GFOD1: variants seen among roughly 807,000 people sequenced by gnomAD.
GFOD1 encodes the protein glucose-fructose oxidoreductase domain-containing protein 1.
GFOD1 carries 9 observed loss-of-function variants against 25.4 expected under a neutral mutation model. That is an observed-to-expected ratio of 0.35 (90% CI 0.21 to 0.62). The LOEUF (loss-of-function observed/expected upper bound fraction) is 0.62. Ranked by LOEUF, GFOD1 falls within the 20% of genes least tolerant of loss-of-function variation. The probability of loss-of-function intolerance (pLI) is 0.72; values close to 1 mark genes in which losing one functional copy is unlikely to be tolerated. For synonymous variants in GFOD1, 253 were observed against 245.6 expected (o/e 1.03, Z -0.28); for missense variants, 403 against 556.9 (o/e 0.72, Z 2.78).
chr6:13,419,540 C>G (rs1336962830), intron 1 of GFOD1, among the ~76,000 whole-genome samples: 2 of 152,162 alleles, frequency 1.3e-5, no homozygotes, highest in Non-Finnish European at 2.9e-5. Context: ...TAAAACAGGG[C>G]ATTGGATCCT....
chr6:13,426,043 G>A (rs867649386), intron 1 of GFOD1, among the ~76,000 whole-genome samples: 3 of 152,372 alleles, frequency 2.0e-5, no homozygotes, highest in South Asian at 4.1e-4. Context: ...GCAGGCTCAC[G>A]CCAGGCAGTG....
intron 1 of GFOD1, among the ~76,000 whole-genome samples, chr6:13,450,739 G>A (rs144961389): frequency 1.3e-5 from 2 of 152,308 alleles, no homozygotes; most frequent in African/African-American, 4.8e-5. Flanking sequence ...CTCCCAAATA[G>A]AAAGCAGTGT....
In GFOD1 at chr6:13,430,699, T is replaced by C. The variant is rs937306447; in HGVS notation, c.253+55939A>G. On this transcript the variant is annotated intron_variant, in intron 1 of 1. Transcript: ENST00000379287. This position sits in a 1 kb window ranked among gnomAD's most constrained non-coding sequence, Gnocchi z 4.1. ...TAGTGGGACAGCGGGTAGGGAAAAG[T>C]ATCCTTGTGGCCTCCAGCACAGCCT... 7.9e-5 allele frequency among the ~76,000 whole-genome samples: 12 copies of C among 151,856 alleles called. No homozygotes were observed. Among genetic ancestry groups the C allele is most frequent in the Non-Finnish European group, 1.5e-5 (1 of 67,954 alleles).
intron 1 of GFOD1, among the ~76,000 whole-genome samples, chr6:13,411,264 G>C (rs1786072649): frequency 6.6e-6 from 1 of 152,118 alleles, no homozygotes; most frequent in African/African-American, 2.4e-5. Flanking sequence ...ATTACCAAGT[G>C]AGGATCCACA....
chr6:13,429,210 C>T (rs990622181), intron 1 of GFOD1, among the ~76,000 whole-genome samples: 1 of 152,206 alleles, frequency 6.6e-6, no homozygotes, highest in African/African-American at 2.4e-5. Context: ...CCTGGCTGGC[C>T]ATAGCACAGC....
At chr6:13,383,892 A>G (rs1584617219) in intron 1 of GFOD1, among the ~76,000 whole-genome samples, 1 of 152,332 alleles carries the variant, frequency 6.6e-6, no homozygotes, top group Admixed American at 6.5e-5. Context: ...ATGGGCCTAC[A>G]TTTATTTTTT....
At chr6:13,445,929 G>A (rs904020814) in intron 1 of GFOD1, among the ~76,000 whole-genome samples, 1 of 152,224 alleles carries the variant, frequency 6.6e-6, no homozygotes, top group African/African-American at 2.4e-5. Context: ...TCACACCACA[G>A]AGTGGGCTAA....
At chr6:13,429,889 A>G (rs1226821825) in intron 1 of GFOD1, among the ~76,000 whole-genome samples, 1 of 152,220 alleles carries the variant, frequency 6.6e-6, no homozygotes, top group Non-Finnish European at 1.5e-5. Flanking sequence ...ACATGCATGT[A>G]TAGAGTGGTA....
At chr6:13,390,419 T>C (rs1236837677) in intron 1 of GFOD1, among the ~76,000 whole-genome samples, 1 of 151,838 alleles carries the variant, frequency 6.6e-6, no homozygotes, top group Non-Finnish European at 1.5e-5. Flanking sequence ...AGTGAGACCC[T>C]GTCTCTAAAA....
chr6:13,431,217 C>A (rs1053922739), intron 1 of GFOD1, among the ~76,000 whole-genome samples: 3 of 152,214 alleles, frequency 2.0e-5, no homozygotes, highest in Non-Finnish European at 4.4e-5. Context: ...ACGGTCTGTG[C>A]TGTGTACCAC....
At chr6:13,377,019 T>G (rs1024050949) in intron 1 of GFOD1, among the ~76,000 whole-genome samples, 1 of 120,046 alleles carries the variant, frequency 8.3e-6, no homozygotes, top group African/African-American at 4.7e-5. Context: ...AGCAGATATG[T>G]TTTTTTTTTT....
At chr6:13,483,958 A>C (rs1188727648) in intron 1 of GFOD1, among the ~76,000 whole-genome samples, 1 of 152,236 alleles carries the variant, frequency 6.6e-6, no homozygotes, top group African/African-American at 2.4e-5. Flanking sequence ...CCTGGCATAC[A>C]GTATGTACTT....
intron 1 of GFOD1, among the ~76,000 whole-genome samples, chr6:13,482,307 T>A (rs761810421): frequency 6.7e-6 from 1 of 148,758 alleles, no homozygotes; most frequent in Non-Finnish European, 1.5e-5. Flanking sequence ...ATAAAATTTA[T>A]GTAATAAATT....
intron 1 of GFOD1, among the ~76,000 whole-genome samples, chr6:13,472,591 C>CATGG (rs1291150390): frequency 6.6e-6 from 1 of 152,202 alleles, no homozygotes; most frequent in Non-Finnish European, 1.5e-5. Context: ...CCACATAGCA[C>CATGG]ATGGCCAGCC....
At chr6:13,384,619 A>C (rs1277449404) in intron 1 of GFOD1, among the ~76,000 whole-genome samples, 2 of 152,220 alleles carry the variant, frequency 1.3e-5, no homozygotes, top group African/African-American at 4.8e-5. Context: ...GAATGTGGCC[A>C]TGAGAGGCCC....
At chr6:13,479,191 A>T (rs1367829658) in intron 1 of GFOD1, among the ~76,000 whole-genome samples, 2 of 152,212 alleles carry the variant, frequency 1.3e-5, no homozygotes, top group Non-Finnish European at 1.5e-5. Context: ...CTACTCACTT[A>T]AAAATTTTTA....
At chr6:13,450,909 A>G (rs1336016445) in intron 1 of GFOD1, among the ~76,000 whole-genome samples, 4 of 152,224 alleles carry the variant, frequency 2.6e-5, no homozygotes, top group South Asian at 4.1e-4. Flanking sequence ...TAAGGACAGC[A>G]GCCTAGGGCC....
chr6:13,409,649 C>T (rs981770145), intron 1 of GFOD1, among the ~76,000 whole-genome samples: 2 of 152,066 alleles, frequency 1.3e-5, no homozygotes, highest in African/African-American at 2.4e-5. Context: ...CAGCCGGGCA[C>T]GGTGGCTCAC....
At chr6:13,424,517 T>C (rs1197177429) in intron 1 of GFOD1, among the ~76,000 whole-genome samples, 3 of 152,112 alleles carry the variant, frequency 2.0e-5, no homozygotes, top group Non-Finnish European at 2.9e-5. Context: ...CCCTAAATAA[T>C]GGAACAACAT....
Sources: gnomAD v4.1 joint callset for allele counts (sites outside exome capture counted in the v4.1 genomes callset) on GRCh38, gnomAD v4.1.1 for gene constraint, Gnocchi (gnomAD v3.1) non-coding constraint, MANE v1.5 for transcripts, NCBI Gene and HGNC (gene_info 2026-07-23, HGNC 2026-07-21) for gene names.